The following TOP1 variants were observed in gnomAD, a reference collection of about 807,000 sequenced individuals.
TOP1 encodes DNA topoisomerase I, also known as DNA topoisomerase 1.
A neutral mutation model predicts 111.1 loss-of-function variants in TOP1; 10 were observed. That is an observed-to-expected ratio of 0.09 (90% confidence interval 0.06 to 0.15). TOP1 has a LOEUF of 0.15. TOP1 is among the 10% of genes least tolerant of loss of function. The pLI, the probability that TOP1 is intolerant of heterozygous loss-of-function variation, is 1.00. For synonymous variants in TOP1, 271 were observed against 302.9 expected, an observed-to-expected ratio of 0.89 and a Z score of 1.10; for missense variants, 474 against 926.7, an observed-to-expected ratio of 0.51 and a Z score of 6.34.
intron 2 of TOP1, among the ~76,000 whole-genome samples, chr20:41,036,597 T>G (rs571239461): frequency 6.6e-6 from 1 of 152,278 alleles, no homozygotes; most frequent in African/African-American, 2.4e-5. Context: ...AAATAGTGAT[T>G]GATGTTGGGG....
chr20:41,051,549 G>A, intron 2 of TOP1, among the ~76,000 whole-genome samples: 1 of 152,328 alleles, frequency 6.6e-6, no homozygotes, highest in East Asian at 1.9e-4. Context: ...TGGCAACACT[G>A]TTAGCCACCT....
chr20:41,074,899 T>C (rs937298392), intron 3 of TOP1, among the ~76,000 whole-genome samples: 1 of 152,224 alleles, frequency 6.6e-6, no homozygotes, highest in Non-Finnish European at 1.5e-5. Context: ...CTACAACTTG[T>C]GGTTTTTGCT....
At position 41,092,476 on chromosome 20, in the gene TOP1, G is replaced by C. The variant is rs962939207; in HGVS notation, c.619G>C (p.Glu207Gln). Residue 207 changes from glutamate to glutamine, a missense_variant, in exon 9 of 21, where the codon GAA (glutamate) becomes CAA (glutamine). Coordinates refer to ENST00000361337, the MANE Select transcript of TOP1 (RefSeq NM_003286.4). The surrounding 1 kb of genome is among the most constrained non-coding windows in gnomAD (Gnocchi z 4.3). ...KEEEQKWKWW[E>Q]EERYPEGIKW... ...GCTGTGCTTTGTCTTTTAAAGGTGG[G>C]AAGAAGAGCGCTATCCTGAAGGCAT... 1.3e-6 allele frequency: 2 copies of C among 1,553,344 alleles called. No individual in the cohort carries two copies. The highest frequency in any genetic ancestry group is 2.8e-5 in the African/African-American group (2 of 72,290).
Position 41,029,323 on chromosome 20 carries a change from C to A in TOP1, c.34-108C>A, listed in dbSNP as rs769829398. The A allele has an allele frequency of 2.9e-6, 3 of 1,052,002 alleles. No homozygotes were observed. The highest frequency in any genetic ancestry group is 2.6e-6 in the Non-Finnish European group (2 of 759,018). 65.2% of individuals were successfully genotyped at this position (1,052,002 alleles called of 1,614,324 possible). A position where few individuals can be genotyped will look rare whatever the true frequency, so the allele number is the denominator to read the frequency against. On this transcript the variant is annotated intron_variant, in intron 1 of 20. Transcript: ENST00000361337. This position sits in a 1 kb window ranked among gnomAD's most constrained non-coding sequence, Gnocchi z 6.1. Reference sequence around the variant, plus strand: ...TGCCCTCTGTGGCCACCCCCGGGTCCCCGTCCTCCCCGGGGGCGCAGGGTG... The same window carrying A: ...TGCCCTCTGTGGCCACCCCCGGGTCACCGTCCTCCCCGGGGGCGCAGGGTG...
intron 2 of TOP1, among the ~76,000 whole-genome samples, chr20:41,033,542 T>A (rs944896653): frequency 3.3e-5 from 5 of 151,926 alleles, no homozygotes. Flanking sequence ...ATGTGTGGGG[T>A]GGGGAGGTGC....
In TOP1 at chr20:41,069,864, A is replaced by G. The variant is rs1272111294; in HGVS notation, c.156-6307A>G. ...GAGCTAGCCATTCAAAGATGGTTAA[A>G]ATTTTGCTAACGGAAAGTAATGGTT... On this transcript the variant is annotated intron_variant, in intron 3 of 20. Coordinates refer to ENST00000361337, the MANE Select transcript of TOP1 (RefSeq NM_003286.4). This position sits in a 1 kb window ranked among gnomAD's most constrained non-coding sequence, Gnocchi z 4.1. Among the ~76,000 whole-genome samples, 1 of 152,208 alleles carries G rather than the reference A, an allele frequency of 6.6e-6. No individual in the cohort carries two copies. The highest frequency in any genetic ancestry group is 2.4e-5 in the African/African-American group (1 of 41,456).
chr20:41,123,044 ATAAAACC>A lies in TOP1; in HGVS notation c.2196-149_2196-143del. On this transcript the variant is annotated intron_variant, in intron 20 of 20. Coordinates refer to ENST00000361337, the MANE Select transcript of TOP1 (RefSeq NM_003286.4). This position sits in a 1 kb window ranked among gnomAD's most constrained non-coding sequence, Gnocchi z 5.8. ...TGCCAAGATTAAATGAGTTGATCACATAAAACCTTTAGAACATGCTTGGTGCACTATT... is the reference window on the plus strand; with the variant it reads ...TGCCAAGATTAAATGAGTTGATCACATTTAGAACATGCTTGGTGCACTATT... 1 of 594,950 alleles carries A rather than the reference ATAAAACC, an allele frequency of 1.7e-6. No homozygotes were observed. Among genetic ancestry groups the A allele is most frequent in the East Asian group, 2.9e-5 (1 of 34,026 alleles). The allele number at this position is 594,950 out of a possible 1,614,324, so 36.9% of individuals were successfully genotyped here.
rs1282821143 is a variant in TOP1, at chr20:41,082,460, GA to G, written c.507+1224del. On this transcript the variant is annotated intron_variant, in intron 7 of 20. Coordinates refer to ENST00000361337, the MANE Select transcript of TOP1 (RefSeq NM_003286.4). The surrounding 1 kb of genome is among the most constrained non-coding windows in gnomAD (Gnocchi z 4.1). ...CTGAGGTCACATAGCTACTAAGGTG[GA>G]AAAGCCAGCATTTGATCCCATGCAG... is the stretch of plus-strand genomic sequence containing the variant. Among the ~76,000 whole-genome samples, 4 of 152,156 alleles carry G rather than the reference GA, an allele frequency of 2.6e-5. No homozygotes were observed. The highest frequency in any genetic ancestry group is 5.9e-5 in the Non-Finnish European group (4 of 68,022).
intron 13 of TOP1, among the ~76,000 whole-genome samples, chr20:41,111,596 CG>C (rs2034241932): frequency 3.5e-5 from 4 of 114,302 alleles, no homozygotes; most frequent in South Asian, 6.7e-4. Flanking sequence ...CCCCACCCCC[CG>C]CCCCCTTTTT....
At chr20:41,073,388 A>AG in intron 3 of TOP1, 1 of 974,362 alleles carries the variant, frequency 1.0e-6, no homozygotes, top group Non-Finnish European at 1.2e-6. Context: ...AAAAAAAAAA[A>AG]GAAAGAAAGA....
At position 41,079,948 on chromosome 20, in the gene TOP1, A is replaced by G; in HGVS notation, c.336-137A>G. On this transcript the variant is annotated intron_variant, in intron 5 of 20. Coordinates refer to ENST00000361337, the MANE Select transcript of TOP1 (RefSeq NM_003286.4). The surrounding 1 kb of genome is among the most constrained non-coding windows in gnomAD (Gnocchi z 4.0). The stretch of plus-strand genomic sequence containing the variant: ...AGGATTGAAGTGAGAAAAAGTGCTC[A>G]CAGAACATCTTCATGATATGTACGT... 1 of 629,168 alleles carries G rather than the reference A, an allele frequency of 1.6e-6. No individual in the cohort carries two copies. The highest frequency in any genetic ancestry group is 2.8e-6 in the Non-Finnish European group (1 of 354,130). The allele number at this position is 629,168 out of a possible 1,614,324, so 39.0% of individuals were successfully genotyped here. A position where few individuals can be genotyped will look rare whatever the true frequency, so the allele number is the denominator to read the frequency against.
chr20:41,068,047 C>A (rs2033628190), intron 3 of TOP1, among the ~76,000 whole-genome samples: 1 of 152,164 alleles, frequency 6.6e-6, no homozygotes, highest in African/African-American at 2.4e-5. Context: ...CTACATTATT[C>A]CTTCCAGTGA....
At position 41,034,573 on chromosome 20, in the gene TOP1, A is replaced by G. The variant is rs2033161549; in HGVS notation, c.58+5118A>G. The stretch of plus-strand genomic sequence containing the variant: ...GTAGAGGAATGTCTGTTAGATATTG[A>G]TGGTATTTTGGTGGCGTTATGAGAA... On this transcript the variant is annotated intron_variant, in intron 2 of 20. Coordinates refer to ENST00000361337, the MANE Select transcript of TOP1 (RefSeq NM_003286.4). This position sits in a 1 kb window ranked among gnomAD's most constrained non-coding sequence, Gnocchi z 4.0. Among the ~76,000 whole-genome samples, 1 of 152,158 alleles carries G rather than the reference A, an allele frequency of 6.6e-6. No homozygotes were observed.
At chr20:41,041,200 C>A (rs2033259661) in intron 2 of TOP1, among the ~76,000 whole-genome samples, 1 of 152,056 alleles carries the variant, frequency 6.6e-6, no homozygotes, top group Admixed American at 6.5e-5. Flanking sequence ...AAGTGGCCAG[C>A]ACTTTGGGAG....
chr20:41,068,630 T>G (rs1169829956), intron 3 of TOP1, among the ~76,000 whole-genome samples: 1 of 152,162 alleles, frequency 6.6e-6, no homozygotes, highest in Non-Finnish European at 1.5e-5. Flanking sequence ...GGTCTGGAAC[T>G]TCTGGGCTCC....
chr20:41,037,291 C>G (rs1474271535), intron 2 of TOP1, among the ~76,000 whole-genome samples: 1 of 152,016 alleles, frequency 6.6e-6, no homozygotes, highest in African/African-American at 2.4e-5. Context: ...ATAACTTGAC[C>G]CTTTTCGATG....
intron 3 of TOP1, among the ~76,000 whole-genome samples, chr20:41,070,880 A>T (rs548043915): frequency 6.6e-6 from 1 of 152,190 alleles, no homozygotes; most frequent in African/African-American, 2.4e-5. Flanking sequence ...CTCTCTTTAG[A>T]GGTAGTTCCT....
chr20:41,033,860 T>C (rs1192095530), intron 2 of TOP1, among the ~76,000 whole-genome samples: 2 of 152,180 alleles, frequency 1.3e-5, no homozygotes, highest in African/African-American at 4.8e-5. Flanking sequence ...ATCTTTCCCA[T>C]GTGAAACTGT....
Position 41,058,359 on chromosome 20 carries a change from A to G in TOP1, c.59-3035A>G, listed in dbSNP as rs562574114. 2.0e-5 allele frequency among the ~76,000 whole-genome samples: 3 copies of G among 152,376 alleles called. No individual in the cohort carries two copies. The highest frequency in any genetic ancestry group is 7.2e-5 in the African/African-American group (3 of 41,596). On this transcript the variant is annotated intron_variant, in intron 2 of 20. Transcript: ENST00000361337. This position sits in a 1 kb window ranked among gnomAD's most constrained non-coding sequence, Gnocchi z 4.2. ...TCCTGTGAGTCAGGAATCCAGACAT[A>G]GTTTATCTGGGTGGCTTTGGCTTAC...
Sources: gnomAD v4.1 joint callset for allele counts (sites outside exome capture counted in the v4.1 genomes callset) on GRCh38, gnomAD v4.1.1 for gene constraint, Gnocchi (gnomAD v3.1) non-coding constraint, MANE v1.5 for transcripts, NCBI Gene and HGNC (gene_info 2026-07-23, HGNC 2026-07-21) for gene names.